Variants in TMEM276 observed in about 807,000 individuals in gnomAD.
TMEM276 encodes transmembrane protein 276.
the TMEM276 span, chr8:144,466,328 A>G: frequency 2.9e-6 from 1 of 342,782 alleles, no homozygotes; most frequent in Non-Finnish European, 4.6e-6. Flanking sequence ...CGTCGCGAGC[A>G]TGCGCACCGG....
At chr8:144,464,928 G>A in the TMEM276 span, 44 of 1,606,372 alleles carry the variant, frequency 2.7e-5, no homozygotes, top group Admixed American at 8.4e-5. Context: ...GTATGTACGA[G>A]GACACAGATA....
chr8:144,464,988 G>T, the TMEM276 span: 1 of 1,556,666 alleles, frequency 6.4e-7, no homozygotes, highest in South Asian at 1.2e-5. Context: ...CAGCGACCTG[G>T]AGCCCTACGC....
the TMEM276 span, chr8:144,466,457 A>G: frequency 5.2e-6 from 7 of 1,357,796 alleles, no homozygotes; most frequent in East Asian, 3.4e-5. Context: ...TACATCTTCT[A>G]CAGCCTCTTC....
the TMEM276 span, chr8:144,463,862 C>T: frequency 4.6e-5 from 63 of 1,368,244 alleles, 1 homozygote; most frequent in African/African-American, 6.3e-4. Context: ...GAGACTAGGC[C>T]TCTTCTCTGG....
the TMEM276 span, chr8:144,464,799 G>C: frequency 6.2e-7 from 1 of 1,612,464 alleles, no homozygotes. Context: ...CTCAGCCCCA[G>C]TGTACTCACC....
At chr8:144,464,951 C>G in the TMEM276 span, 1 of 1,598,182 alleles carries the variant, frequency 6.3e-7, no homozygotes, top group Non-Finnish European at 8.5e-7. Flanking sequence ...AGATACTCAA[C>G]TTTGGAGAGG....
chr8:144,464,011 G>A, the TMEM276 span: 2 of 1,522,384 alleles, frequency 1.3e-6, no homozygotes, highest in Admixed American at 2.2e-5. Flanking sequence ...TCAATGTGCA[G>A]CAAACCCACT....
chr8:144,466,798 G>A, the TMEM276 span: 6 of 1,536,150 alleles, frequency 3.9e-6, no homozygotes, highest in Middle Eastern at 2.3e-4. Flanking sequence ...GCCCAGACCT[G>A]CCCGCGCCAG....
the TMEM276 span, chr8:144,464,433 G>T: frequency 6.2e-7 from 1 of 1,612,310 alleles, no homozygotes; most frequent in East Asian, 2.2e-5. Context: ...CCAGGAGCAG[G>T]TTGGCAGAGG....
At chr8:144,465,540 A>T in the TMEM276 span, 5 of 254,548 alleles carry the variant, frequency 2.0e-5, no homozygotes, top group African/African-American at 2.5e-4. Context: ...CTGGGGGGGG[A>T]GGGTCGAGGC....
the TMEM276 span, chr8:144,465,230 G>A: frequency 8.5e-6 from 10 of 1,175,488 alleles, no homozygotes; most frequent in South Asian, 3.2e-5. Context: ...GAGCGGCGAG[G>A]CGCTGCAGGC....
the TMEM276 span, chr8:144,463,950 A>G: frequency 6.8e-4 from 1,010 of 1,483,698 alleles, 2 homozygotes; most frequent in Non-Finnish European, 8.5e-4. Context: ...TGGTCTAGAC[A>G]AGTCCCCACA....
the TMEM276 span, chr8:144,465,715 T>TGTAGG: frequency 2.2e-5 from 1 of 46,176 alleles, no homozygotes; most frequent in Non-Finnish European, 3.9e-5. Flanking sequence ...GGGGCGGGGC[T>TGTAGG]GCGAGGGGCG....
chr8:144,465,280 G>A, the TMEM276 span: 4 of 1,111,220 alleles, frequency 3.6e-6, no homozygotes, highest in South Asian at 1.8e-5. Context: ...GTTCCGGGAG[G>A]CGTTGTCCTG....
At chr8:144,464,222 G>A in the TMEM276 span, 2 of 1,613,080 alleles carry the variant, frequency 1.2e-6, no homozygotes, top group Admixed American at 1.7e-5. Flanking sequence ...TTCGGTAGCA[G>A]CAGCAGCCTG....
the TMEM276 span, chr8:144,463,843 G>A: frequency 5.3e-6 from 7 of 1,325,650 alleles, no homozygotes; most frequent in African/African-American, 3.0e-5. Context: ...AAATTCCTAA[G>A]ATTTATTGGA....
chr8:144,466,801 C>T, the TMEM276 span: 13 of 1,536,426 alleles, frequency 8.5e-6, no homozygotes, highest in East Asian at 2.4e-5. Context: ...CAGACCTGCC[C>T]GCGCCAGAGC....
the TMEM276 span, chr8:144,464,692 C>T: frequency 6.4e-7 from 1 of 1,574,198 alleles, no homozygotes; most frequent in Non-Finnish European, 8.6e-7. Flanking sequence ...TTTGGGGCTT[C>T]CATGGAGACC....
chr8:144,465,223 C>T, the TMEM276 span: 2 of 1,189,044 alleles, frequency 1.7e-6, no homozygotes, highest in Non-Finnish European at 2.2e-6. Context: ...GAAGAGAGAG[C>T]GGCGAGGCGC....
Sources: allele counts gnomAD v4.1 joint callset, GRCh38; gene constraint gnomAD v4.1.1; transcripts MANE v1.5; gene names NCBI Gene and HGNC (gene_info 2026-07-23, HGNC 2026-07-21).